The following PRDM6 variants were observed in gnomAD, a reference collection of about 807,000 sequenced individuals.
The protein encoded by PRDM6 is putative histone-lysine N-methyltransferase PRDM6.
PRDM6 carries 25 observed loss-of-function variants against 60.8 expected under a neutral mutation model. The ratio of observed to expected loss-of-function variants is 0.41; its 90% confidence interval spans 0.30 to 0.57. The LOEUF is 0.57. PRDM6 is among the 20% of genes least tolerant of loss of function. The pLI is 0.27. For synonymous variants in PRDM6, 407 were observed against 357.4 expected (o/e 1.14, Z -1.57); for missense variants, 839 against 821.3 (o/e 1.02, Z -0.26).
At chr5:123,163,829 T>C (rs898465349) in intron 5 of PRDM6, among the ~76,000 whole-genome samples, 2 of 152,220 alleles carry the variant, frequency 1.3e-5, no homozygotes, top group Non-Finnish European at 2.9e-5. Flanking sequence ...CATATGAAGC[T>C]GAGGTGGCAG....
chr5:123,129,808 AT>A (rs1764780456), intron 3 of PRDM6, among the ~76,000 whole-genome samples: 1 of 152,216 alleles, frequency 6.6e-6, no homozygotes, highest in Admixed American at 6.5e-5. Context: ...TCATTAAAAA[AT>A]ATCTGGAGTA....
intron 4 of PRDM6, 80 bp from the exon 5 acceptor site, chr5:123,159,434 T>G: frequency 6.7e-7 from 1 of 1,492,696 alleles, no homozygotes; most frequent in South Asian, 1.3e-5. Flanking sequence ...GCGTAGAACT[T>G]TTTCAGGGCA....
chr5:123,156,985 C>T (rs1190429737), intron 4 of PRDM6, among the ~76,000 whole-genome samples: 2 of 152,076 alleles, frequency 1.3e-5, no homozygotes, highest in Non-Finnish European at 2.9e-5. Flanking sequence ...CTTTATTAGG[C>T]ACCACAGACA....
intron 3 of PRDM6, among the ~76,000 whole-genome samples, chr5:123,115,857 C>T (rs1028370418): frequency 1.3e-5 from 2 of 152,032 alleles, no homozygotes; most frequent in African/African-American, 4.8e-5. Flanking sequence ...TTCCCTGATC[C>T]CTCTCTCCTC....
rs781103047 is a variant in PRDM6 at position 123,089,992 on chromosome 5, GC to G, written c.-15-3del. The G allele has an allele frequency of 6.5e-7, 1 of 1,536,268 alleles. No homozygotes were observed. Among genetic ancestry groups the G allele is most frequent in the South Asian group, 1.2e-5 (1 of 83,748 alleles). ...ACGCGCCCCCTCTTCCCTGCCCTCT[GC>G]CCCCAGTTCGAGGCGCCGGACATGC... On this transcript the variant is annotated splice_polypyrimidine_tract_variant and splice_region_variant and intron_variant, in intron 1 of 7. Transcript: ENST00000407847.
rs1347708345 is a variant in PRDM6 at position 123,188,251 on chromosome 5, T to C, written c.*1050T>C. 1.3e-5 allele frequency: 2 copies of C among 152,104 alleles called. No homozygotes were observed. Among genetic ancestry groups the C allele is most frequent in the East Asian group, 3.9e-4 (2 of 5,184 alleles). 9.4% of individuals were successfully genotyped at this position (152,104 alleles called of 1,614,324 possible). On this transcript the variant is annotated 3_prime_UTR_variant, in exon 8 of 8. Transcript: ENST00000407847. ...GCATGTCTACAAACACAAGTGAAAA[T>C]AGCCCAGACAAGGAGACTTTGAGAG...
chr5:123,098,302 TCAGGCTCAGTGCCATAAGC>T (rs1474768507), intron 2 of PRDM6, among the ~76,000 whole-genome samples: 1 of 152,204 alleles, frequency 6.6e-6, no homozygotes, highest in Non-Finnish European at 1.5e-5. Flanking sequence ...TCGCCAGGTG[TCAGGCTCAGTGCCATAAGC>T]CTGACACTTG....
In PRDM6 at chr5:123,090,191, G is replaced by T. The variant is rs940295292; in HGVS notation, c.177G>T (p.Pro59=). ...PLQPPPPPPP[P]ERAEPPPDSL... is the part of the protein sequence containing the mutation. ...AGCCGCCGCCGCCGCCCCCGCCCCC[G>T]GAGCGCGCTGAGCCTCCGCCGGACA... is the stretch of plus-strand genomic sequence containing the variant. The change falls in exon 2 of 8, where the codon CCG becomes CCT. Residue 59 remains proline, a synonymous_variant. Coordinates refer to ENST00000407847, the MANE Select transcript of PRDM6 (RefSeq NM_001136239.4). 6.7e-5 allele frequency: 100 copies of T among 1,487,412 alleles called. No homozygotes were observed. In the African/African-American group the frequency reaches 1.4e-3, roughly 20 times the overall value. The allele number at this position is 1,487,412 out of a possible 1,614,324, so 92.1% of individuals were successfully genotyped here. A position where few individuals can be genotyped will look rare whatever the true frequency, so the allele number is the denominator to read the frequency against.
chr5:123,175,921 G>A (rs1334128107), intron 6 of PRDM6, among the ~76,000 whole-genome samples: 2 of 152,180 alleles, frequency 1.3e-5, no homozygotes, highest in Non-Finnish European at 2.9e-5. Context: ...AGGAGTGCCA[G>A]GAGATGTGCA....
Position 123,090,465 on chromosome 5 carries a change from G to C in PRDM6, c.451G>C (p.Gly151Arg). 6.7e-7 allele frequency: 1 copy of C among 1,482,090 alleles called. No homozygotes were observed. The highest frequency in any genetic ancestry group is 2.9e-5 in the East Asian group (1 of 34,092). The allele number at this position is 1,482,090 out of a possible 1,614,324, so 91.8% of individuals were successfully genotyped here. Reference protein sequence around the residue: ...ATSGPGPVKCGGGGGGGGEGR... With the variant: ...ATSGPGPVKCRGGGGGGGEGR... ...CTCCGGCCCCGGGCCCGTCAAGTGC[G>C]GTGGTGGTGGCGGCGGCGGCGGGGA... Residue 151 changes from glycine (G) to arginine (R), a missense_variant, in exon 2 of 8, where the codon GGT (glycine) becomes CGT (arginine). Physicochemically the swap from Gly to Arg is moderately radical, Grantham distance 125 (BLOSUM62 -2). Transcript: ENST00000407847.
At chr5:123,176,161 C>T (rs1349553000) in intron 6 of PRDM6, among the ~76,000 whole-genome samples, 1 of 151,546 alleles carries the variant, frequency 6.6e-6, no homozygotes, top group African/African-American at 2.4e-5. Flanking sequence ...GGCGCACTAG[C>T]CACACATGAA....
At chr5:123,142,903 C>CAAAAAAAAAAAAAAAAAAAAAAAA (rs1337695138) in intron 3 of PRDM6, among the ~76,000 whole-genome samples, 1 of 68,128 alleles carries the variant, frequency 1.5e-5, no homozygotes, top group Non-Finnish European at 2.8e-5. Flanking sequence ...AAAAAAAAAA[C>CAAAAAAAAAAAAAAAAAAAAAAAA]AAACAAACCA....
At chr5:123,152,330 A>G (rs1025388729) in intron 3 of PRDM6, among the ~76,000 whole-genome samples, 1 of 152,216 alleles carries the variant, frequency 6.6e-6, no homozygotes, top group African/African-American at 2.4e-5. Flanking sequence ...GCTCAAGCCC[A>G]GTCTAAAGGG....
chr5:123,093,251 G>T (rs575277958), intron 2 of PRDM6, among the ~76,000 whole-genome samples: 1 of 152,080 alleles, frequency 6.6e-6, no homozygotes, highest in African/African-American at 2.4e-5. Context: ...CTCACAAGGC[G>T]AAATAAAAAG....
At chr5:123,116,073 A>C (rs1461871816) in intron 3 of PRDM6, among the ~76,000 whole-genome samples, 1 of 152,150 alleles carries the variant, frequency 6.6e-6, no homozygotes, top group Non-Finnish European at 1.5e-5. Flanking sequence ...GTGCCCTCTC[A>C]AATGCAGGGA....
chr5:123,168,080 T>G (rs77698563), intron 5 of PRDM6, among the ~76,000 whole-genome samples: 240 of 152,316 alleles, frequency 1.6e-3, no homozygotes, highest in Middle Eastern at 0.01. Flanking sequence ...CTTCTTGTCG[T>G]TCAGTGCCTA....
intron 3 of PRDM6, among the ~76,000 whole-genome samples, chr5:123,143,231 CCTT>C (rs1765160830): frequency 6.6e-6 from 1 of 150,614 alleles, no homozygotes; most frequent in Non-Finnish European, 1.5e-5. Context: ...AAACTATGAA[CCTT>C]CTTCCCAGAA....
chr5:123,152,298 T>C (rs1023924760), intron 3 of PRDM6, among the ~76,000 whole-genome samples: 3 of 152,068 alleles, frequency 2.0e-5, no homozygotes, highest in African/African-American at 4.8e-5. Context: ...AGTAGAGAGG[T>C]AGAGACTGCA....
At chr5:123,128,826 C>T in intron 3 of PRDM6, among the ~76,000 whole-genome samples, 1 of 152,140 alleles carries the variant, frequency 6.6e-6, no homozygotes, top group East Asian at 1.9e-4. Context: ...GTGTTTTAGT[C>T]ATGAAGTCCT....
Sources: allele counts gnomAD v4.1 joint callset (sites outside exome capture counted in the v4.1 genomes callset), GRCh38; gene constraint gnomAD v4.1.1; transcripts MANE v1.5; gene names NCBI Gene and HGNC (gene_info 2026-07-23, HGNC 2026-07-21).